The following NAA38 variants were observed in gnomAD, a reference collection of about 807,000 sequenced individuals.
NAA38 encodes the protein LSM domain containing 1.
NAA38 carries 15 observed loss-of-function variants against 12.6 expected under a neutral mutation model. The ratio of observed to expected loss-of-function variants is 1.19; its 90% CI spans 0.79 to 1.83. NAA38 has a LOEUF of 1.83. Ranked by LOEUF, NAA38 falls within the 40% of genes most tolerant of loss-of-function variation. NAA38 has a pLI of 0.00. For missense variants in NAA38, 183 were observed against 171.7 expected (o/e 1.07, Z -0.37); for synonymous variants, 88 against 69.9 (o/e 1.26, Z -1.29).
intron 2 of NAA38, among the ~76,000 whole-genome samples, chr17:7,880,517 G>A (rs930862929): frequency 6.6e-6 from 1 of 152,142 alleles, no homozygotes; most frequent in Admixed American, 6.5e-5. Flanking sequence ...GGAGCCAGAA[G>A]GCTTTAATCA....
chr17:7,857,486 C>T lies in NAA38; in HGVS notation c.-23G>A. 1.3e-6 allele frequency: 2 copies of T among 1,507,486 alleles called. No individual in the cohort carries two copies. Among genetic ancestry groups the T allele is most frequent in the Non-Finnish European group, 1.8e-6 (2 of 1,128,768 alleles). 93.4% of individuals were successfully genotyped at this position (1,507,486 alleles called of 1,614,324 possible). On this transcript the variant is annotated 5_prime_UTR_variant, in exon 1 of 3. Coordinates refer to ENST00000575771, the MANE Select transcript of NAA38 (RefSeq NM_001320925.4). ...CATTTGCCCGGAGGCCTCCTCTGGG[C>T]CTTTCAACTTCCTAAGCACCTTTCA...
At chr17:7,859,897 T>C (rs556822568), upstream of NAA38, 44 of 426,332 alleles carry the variant, frequency 1.0e-4, no homozygotes, top group Non-Finnish European at 1.5e-4. Context: ...GCAGAACTGT[T>C]TGATAGTTAA....
chr17:7,858,466 C>G, upstream of NAA38: 1 of 1,614,178 alleles, frequency 6.2e-7, no homozygotes, highest in Non-Finnish European at 8.5e-7. Context: ...TGGTTTGATC[C>G]AAAGACCAGA....
intron 2 of NAA38, among the ~76,000 whole-genome samples, chr17:7,878,140 CTT>C (rs1212338632): frequency 6.6e-6 from 1 of 151,940 alleles, no homozygotes; most frequent in Non-Finnish European, 1.5e-5. Context: ...AAATTAAAGA[CTT>C]ATGAATATTA....
chr17:7,876,747 T>C (rs1967181041), intron 2 of NAA38, among the ~76,000 whole-genome samples: 1 of 152,146 alleles, frequency 6.6e-6, no homozygotes, highest in Non-Finnish European at 1.5e-5. Flanking sequence ...CCTCCTCCCT[T>C]CACCTAGTCA....
intron 1 of NAA38, chr17:7,884,807 AT>A: frequency 1.6e-6 from 1 of 616,578 alleles, no homozygotes; most frequent in South Asian, 2.7e-5. Flanking sequence ...GAGCCACAGG[AT>A]GGCTTCCCCT....
upstream of NAA38, chr17:7,858,169 T>TG (rs774598183): frequency 3.2e-5 from 51 of 1,613,632 alleles, no homozygotes; most frequent in African/African-American, 6.1e-4. Flanking sequence ...GGGCCAGACT[T>TG]GGAGTATTTT....
At chr17:7,885,368 C>A (rs1329744469), upstream of NAA38, 3 of 154,778 alleles carry the variant, frequency 1.9e-5, no homozygotes, top group South Asian at 1.8e-4. Context: ...GAGCGCTGGG[C>A]GCGAGCTGCG....
At chr17:7,858,390 TGC>T (rs1382035653), upstream of NAA38, 20 of 1,613,994 alleles carry the variant, frequency 1.2e-5, no homozygotes, top group Non-Finnish European at 1.4e-5. Flanking sequence ...GTGGCTGTGC[TGC>T]TCTTTTCAAG....
chr17:7,883,575 GA>G (rs1396258501), intron 1 of NAA38, among the ~76,000 whole-genome samples: 1 of 151,854 alleles, frequency 6.6e-6, no homozygotes, highest in Non-Finnish European at 1.5e-5. Context: ...GGACTCCTTT[GA>G]AAAAAACTCA....
At chr17:7,863,085 A>ATGG (rs1265300900) in intron 3 of NAA38, 9 of 152,160 alleles carry the variant, frequency 5.9e-5, no homozygotes, top group Non-Finnish European at 8.8e-5. Context: ...GATTACAGGT[A>ATGG]TGGGAGTGTA....
At chr17:7,880,314 A>G in intron 2 of NAA38, among the ~76,000 whole-genome samples, 1 of 151,952 alleles carries the variant, frequency 6.6e-6, no homozygotes, top group Non-Finnish European at 1.5e-5. Context: ...AAAGAGGGAA[A>G]GAGTGGAGAG....
At chr17:7,879,659 C>A (rs951908883) in intron 2 of NAA38, among the ~76,000 whole-genome samples, 5 of 151,986 alleles carry the variant, frequency 3.3e-5, no homozygotes, top group African/African-American at 7.3e-5. Flanking sequence ...AAAATATTCT[C>A]CTGTACCCAT....
chr17:7,870,430 A>AGAAGGAT (rs1276704694), intron 2 of NAA38, among the ~76,000 whole-genome samples: 1 of 152,224 alleles, frequency 6.6e-6, no homozygotes, highest in Non-Finnish European at 1.5e-5. Context: ...AGGCAGCAAT[A>AGAAGGAT]GAAGGATGAG....
intron 2 of NAA38, among the ~76,000 whole-genome samples, chr17:7,881,917 C>T (rs1967279609): frequency 2.7e-5 from 4 of 149,622 alleles, no homozygotes; most frequent in Admixed American, 2.7e-4. Flanking sequence ...AAAGAGGCTG[C>T]CAGCCAGTCA....
upstream of NAA38, chr17:7,860,246 T>C (rs1044724476): frequency 1.3e-5 from 2 of 152,504 alleles, no homozygotes; most frequent in African/African-American, 4.8e-5. Flanking sequence ...CTGGAGCTCC[T>C]GGGCACAAGT....
At chr17:7,864,715 C>CA (rs1281359394) in intron 3 of NAA38, 1 of 151,976 alleles carries the variant, frequency 6.6e-6, no homozygotes, top group Non-Finnish European at 1.5e-5. Flanking sequence ...CTGGCCAACA[C>CA]AGTGAAACCC....
At chr17:7,866,573 A>G in intron 2 of NAA38, 1 of 1,170,570 alleles carries the variant, frequency 8.5e-7, no homozygotes, top group South Asian at 4.3e-5. Flanking sequence ...AATGCCCCCC[A>G]AGCTTTGCAT....
chr17:7,866,052 G>T (rs1239138196), intron 3 of NAA38: 1 of 150,570 alleles, frequency 6.6e-6, no homozygotes, highest in African/African-American at 2.5e-5. Context: ...TTGTCATCCT[G>T]CTTCCTTATT....
Sources: allele counts gnomAD v4.1 joint callset (sites outside exome capture counted in the v4.1 genomes callset), GRCh38; gene constraint gnomAD v4.1.1; transcripts MANE v1.5; gene names NCBI Gene and HGNC (gene_info 2026-07-23, HGNC 2026-07-21).